PCDHGB7: variants seen among roughly 807,000 people sequenced by gnomAD.
PCDHGB7 encodes the protein protocadherin gamma-B7.
A neutral mutation model predicts 61.4 loss-of-function variants in PCDHGB7; 37 were observed. The ratio of observed to expected loss-of-function variants is 0.60; its 90% CI spans 0.46 to 0.79. The LOEUF (loss-of-function observed/expected upper bound fraction) is 0.79, where lower values mean the gene tolerates loss of function less well. Ranked by LOEUF, PCDHGB7 falls within the 30% of genes least tolerant of loss-of-function variation. PCDHGB7 has a pLI of 0.00. For synonymous variants in PCDHGB7, 464 were observed against 503.5 expected (o/e 0.92, Z 1.05); for missense variants, 1,166 against 1,202.5 (o/e 0.97, Z 0.45).
At position 141,433,069 on chromosome 5, in the gene PCDHGB7, C is replaced by G. The variant is rs561950316; in HGVS notation, c.2415+12795C>G. The G allele has an allele frequency of 3.1e-6, 5 of 1,614,200 alleles. No homozygotes were observed. In the Admixed American group the frequency reaches 8.3e-5, roughly 27 times the overall value. Reference sequence around the variant, plus strand: ...ACTCGCGGAAGAGTCACCTGATCTTCCCCCAGCCCAACTATGCAGACATGC... The same window carrying G: ...ACTCGCGGAAGAGTCACCTGATCTTGCCCCAGCCCAACTATGCAGACATGC... On this transcript the variant is annotated intron_variant, in intron 1 of 3. Coordinates refer to ENST00000398594, the MANE Select transcript of PCDHGB7 (RefSeq NM_018927.4).
Position 141,431,334 on chromosome 5 carries a change from C to G in PCDHGB7, c.2415+11060C>G, listed in dbSNP as rs775651426. ...AATGGAGCCGACGGTAGTAAGTACC[C>G]CGAATTGGTGCTGAAACGCGCCCTG... On this transcript the variant is annotated intron_variant, in intron 1 of 3. Transcript: ENST00000398594. This position sits in a 1 kb window ranked among gnomAD's most constrained non-coding sequence, Gnocchi z 4.8. 1.9e-6 allele frequency: 3 copies of G among 1,614,118 alleles called. No individual in the cohort carries two copies. The South Asian group carries it at 3.3e-5, about 18-fold the overall frequency.
At chr5:141,492,778 G>A (rs2099743821) in intron 1 of PCDHGB7, among the ~76,000 whole-genome samples, 1 of 152,250 alleles carries the variant, frequency 6.6e-6, no homozygotes, top group South Asian at 2.1e-4. Context: ...GAGTGAGTGA[G>A]CCTCTATAGG....
In PCDHGB7 at chr5:141,489,126, T is replaced by C; in HGVS notation, c.2416-5681T>C. ...TGCAAGCAGGCAAACCTCCGAGCAG[T>C]TTTTAAGAGGCTGGAAGGAGACATA... On this transcript the variant is annotated intron_variant, in intron 1 of 3. Coordinates refer to ENST00000398594, the MANE Select transcript of PCDHGB7 (RefSeq NM_018927.4). This position sits in a 1 kb window ranked among gnomAD's most constrained non-coding sequence, Gnocchi z 4.5. 1.7e-6 allele frequency: 1 copy of C among 585,136 alleles called. No individual in the cohort carries two copies. Among genetic ancestry groups the C allele is most frequent in the South Asian group, 3.2e-5 (1 of 31,406 alleles). The allele number at this position is 585,136 out of a possible 1,614,324, so 36.2% of individuals were successfully genotyped here. A position where few individuals can be genotyped will look rare whatever the true frequency, so the allele number is the denominator to read the frequency against.
intron 1 of PCDHGB7, among the ~76,000 whole-genome samples, chr5:141,469,004 C>T (rs570896326): frequency 3.3e-5 from 5 of 151,802 alleles, no homozygotes; most frequent in Admixed American, 2.0e-4. Flanking sequence ...TTGCTGGGTG[C>T]GGTGGGTCAC....
At position 141,419,402 on chromosome 5, in the gene PCDHGB7, T is replaced by G. The variant is rs2096376244; in HGVS notation, c.1543T>G (p.Phe515Val). ...VSVSAQSGVV[F>V]AQRAFDHEQL... ...CGTGAGCGCGCAGAGCGGGGTGGTG[T>G]TCGCGCAGCGCGCCTTCGACCACGA... is the stretch of plus-strand genomic sequence containing the variant. Residue 515 changes from phenylalanine (F) to valine (V), a missense_variant, in exon 1 of 4, where the codon TTC becomes GTC. Phe to Val is a conservative substitution (Grantham distance 50). Transcript: ENST00000398594. 6.2e-7 allele frequency: 1 copy of G among 1,613,378 alleles called. No individual in the cohort carries two copies. The highest frequency in any genetic ancestry group is 1.3e-5 in the African/African-American group (1 of 74,938).
intron 1 of PCDHGB7, chr5:141,441,530 A>T (rs2154559371): frequency 5.8e-6 from 1 of 172,118 alleles, no homozygotes; most frequent in Non-Finnish European, 1.2e-5. Flanking sequence ...GCCAAGAACA[A>T]TCTTCCCAAA....
intron 1 of PCDHGB7, chr5:141,441,209 G>A (rs1276958461): frequency 1.3e-5 from 2 of 152,158 alleles, no homozygotes; most frequent in East Asian, 3.9e-4. Flanking sequence ...TCTGCACCTT[G>A]GACAGTAATC....
At chr5:141,422,639 C>G (rs777330051) in intron 1 of PCDHGB7, 1 of 1,612,662 alleles carries the variant, frequency 6.2e-7, no homozygotes. Flanking sequence ...AGGGGTGCCT[C>G]CATCTTCTCA....
At chr5:141,457,953 C>G (rs12188170) in intron 1 of PCDHGB7, among the ~76,000 whole-genome samples, 6,291 of 152,286 alleles carry the variant, frequency 0.041, 196 homozygotes, top group Admixed American at 0.075. Context: ...GCATGTCAAG[C>G]TTGATTCCTT....
At chr5:141,469,929 G>C (rs1208858245) in intron 1 of PCDHGB7, among the ~76,000 whole-genome samples, 1 of 152,168 alleles carries the variant, frequency 6.6e-6, no homozygotes, top group Non-Finnish European at 1.5e-5. Context: ...TCAGGAGTTT[G>C]AGACCAGCCT....
chr5:141,451,993 C>G (rs1235806360), intron 1 of PCDHGB7, among the ~76,000 whole-genome samples: 4 of 152,164 alleles, frequency 2.6e-5, no homozygotes, highest in African/African-American at 7.2e-5. Context: ...TCATTAGAAG[C>G]AAAATCACTT....
rs758216933 is a variant in PCDHGB7 at position 141,487,377 on chromosome 5, C to A, written c.2416-7430C>A. The A allele has an allele frequency of 2.5e-6, 4 of 1,614,190 alleles. No individual in the cohort carries two copies. In the South Asian group the frequency reaches 3.3e-5, roughly 13 times the overall value. On this transcript the variant is annotated intron_variant, in intron 1 of 3. Transcript: ENST00000398594. This position sits in a 1 kb window ranked among gnomAD's most constrained non-coding sequence, Gnocchi z 5.0. ...CCTGCTGGCACCTGTGCCTGTCTCA[C>A]CAGATCTCGAAGGAGGGAGGGGCTT...
intron 1 of PCDHGB7, chr5:141,492,036 T>A: frequency 1.9e-6 from 1 of 536,866 alleles, no homozygotes; most frequent in Non-Finnish European, 3.2e-6. Flanking sequence ...GAGGAGGCAG[T>A]CACAGATCCA....
At position 141,494,693 on chromosome 5, in the gene PCDHGB7, G is replaced by A. The variant is rs2099756182; in HGVS notation, c.2416-114G>A. The A allele has an allele frequency of 5.0e-6, 8 of 1,585,786 alleles. No individual in the cohort carries two copies. In the South Asian group the frequency reaches 6.8e-5, roughly 13 times the overall value. ...GTCCACCCCTGCCCCCTCTTAGTCC[G>A]TTTTCTTCTCTGTGCCCACTCCCCT... is the stretch of plus-strand genomic sequence containing the variant. On this transcript the variant is annotated intron_variant, in intron 1 of 3. Transcript: ENST00000398594.
rs374095590 is a variant in PCDHGB7, at chr5:141,431,523, T to C, written c.2415+11249T>C. On this transcript the variant is annotated intron_variant, in intron 1 of 3. Coordinates refer to ENST00000398594, the MANE Select transcript of PCDHGB7 (RefSeq NM_018927.4). This position sits in a 1 kb window ranked among gnomAD's most constrained non-coding sequence, Gnocchi z 4.8. ...TACCGCGCGAGCGTTCCGGAGAATC[T>C]GGCCTTGGGCACGCAGCTGCTTGTA... 13 of 1,613,952 alleles carry C rather than the reference T, an allele frequency of 8.1e-6. No homozygotes were observed. The African/African-American group carries it at 1.5e-4, about 18-fold the overall frequency.
At position 141,450,006 on chromosome 5, in the gene PCDHGB7, C is replaced by CTTTTT. The variant is rs1554136305; in HGVS notation, c.2415+29746_2415+29750dup. ...CACATTGCATTTAGTTGCCATGTCTCTTTTTTTTTTTTTTTTTTGAGACAG... is the reference window on the plus strand; with the variant it reads ...CACATTGCATTTAGTTGCCATGTCTCTTTTTTTTTTTTTTTTTTTTTTTGAGACAG... On this transcript the variant is annotated intron_variant, in intron 1 of 3. Transcript: ENST00000398594. Among the ~76,000 whole-genome samples the CTTTTT allele has an allele frequency of 3.4e-4, 45 of 132,908 alleles. 3 individuals carry two copies. Among genetic ancestry groups the CTTTTT allele is most frequent in the South Asian group, 7.1e-4 (3 of 4,236 alleles). 87.2% of individuals were successfully genotyped at this position (132,908 alleles called of 152,430 possible).
rs764729742 is a variant in PCDHGB7 at position 141,450,826 on chromosome 5, A to ATTT, written c.2415+30554_2415+30555insTTT. On this transcript the variant is annotated intron_variant, in intron 1 of 3. Coordinates refer to ENST00000398594, the MANE Select transcript of PCDHGB7 (RefSeq NM_018927.4). ...TATTTATTTATTTAATATTATTATT[A>ATTT]TTATTTTTTTTTTTTTGAGATGGGG... 5.5e-3 allele frequency among the ~76,000 whole-genome samples: 742 copies of ATTT among 134,318 alleles called. 10 individuals are homozygous for ATTT. The highest frequency in any genetic ancestry group is 0.013 in the Middle Eastern group (3 of 230). 88.1% of individuals were successfully genotyped at this position (134,318 alleles called of 152,430 possible).
intron 1 of PCDHGB7, chr5:141,422,820 G>A (rs904706749): frequency 6.2e-6 from 10 of 1,614,178 alleles, no homozygotes; most frequent in Non-Finnish European, 7.6e-6. Flanking sequence ...ACTTAGAACT[G>A]AGAGTGATAG....
intron 1 of PCDHGB7, among the ~76,000 whole-genome samples, chr5:141,450,093 G>A (rs1330425383): frequency 2.8e-5 from 4 of 143,748 alleles, no homozygotes; most frequent in East Asian, 2.1e-4. Context: ...TGCAACCTCC[G>A]CCTCCCAGGT....
Sources: gnomAD v4.1 joint callset for allele counts (sites outside exome capture counted in the v4.1 genomes callset) on GRCh38, gnomAD v4.1.1 for gene constraint, Gnocchi (gnomAD v3.1) non-coding constraint, MANE v1.5 for transcripts, NCBI Gene and HGNC (gene_info 2026-07-23, HGNC 2026-07-21) for gene names.